Variants in ADGRL3 observed in about 807,000 individuals in gnomAD.
ADGRL3 encodes the protein adhesion G protein-coupled receptor L3, also known as calcium-independent alpha-latrotoxin receptor 3.
ADGRL3 carries 62 observed loss-of-function variants against 153.5 expected under a neutral mutation model. That is an observed-to-expected ratio of 0.40 (90% confidence interval 0.33 to 0.50). ADGRL3 has a LOEUF of 0.50. Among genes scored for constraint, ADGRL3 ranks in the 20% least tolerant of loss-of-function variants. ADGRL3 has a pLI of 0.47. For missense variants in ADGRL3, 1,641 were observed against 1,859.4 expected, an observed-to-expected ratio of 0.88 and a Z score of 2.16; for synonymous variants, 710 against 672.5, an observed-to-expected ratio of 1.06 and a Z score of -0.86.
intron 1 of ADGRL3, among the ~76,000 whole-genome samples, chr4:61,226,485 T>C (rs1748022188): frequency 6.6e-6 from 1 of 152,220 alleles, no homozygotes; most frequent in South Asian, 2.1e-4. Context: ...GTTATTTTAA[T>C]GTTACGTCTG....
At position 61,718,785 on chromosome 4, in the gene ADGRL3, A is replaced by G. The variant is rs192084591; in HGVS notation, c.584-11837A>G. On this transcript the variant is annotated intron_variant, in intron 6 of 26. Transcript: ENST00000683033. ...ATGACCCTTCTACAGATGGCTTTTA[A>G]GGAAAAAAAAATAGCTGGGGCTAGT... Among the ~76,000 whole-genome samples the G allele has an allele frequency of 1.9e-3, 283 of 152,270 alleles. 1 individual carries two copies. Among genetic ancestry groups the G allele is most frequent in the African/African-American group, 6.7e-3 (278 of 41,570 alleles).
intron 2 of ADGRL3, among the ~76,000 whole-genome samples, chr4:61,433,430 GAC>G (rs1209961736): frequency 6.6e-6 from 1 of 151,650 alleles, no homozygotes; most frequent in Non-Finnish European, 1.5e-5. Flanking sequence ...AAATCTGATA[GAC>G]ACTTTACAGT....
intron 1 of ADGRL3, among the ~76,000 whole-genome samples, chr4:61,353,792 TG>T (rs1413913681): frequency 8.7e-6 from 1 of 115,378 alleles, no homozygotes; most frequent in African/African-American, 3.3e-5. Context: ...CCGAAATAGA[TG>T]AACCAAACAG....
chr4:62,061,368 A>G (rs1740063307), intron 25 of ADGRL3, among the ~76,000 whole-genome samples: 1 of 151,380 alleles, frequency 6.6e-6, no homozygotes, highest in South Asian at 2.1e-4. Flanking sequence ...TTTCCCTCAT[A>G]TCTTGTGAAA....
chr4:61,380,119 A>G (rs952924354), intron 1 of ADGRL3, among the ~76,000 whole-genome samples: 3 of 152,006 alleles, frequency 2.0e-5, no homozygotes, highest in Non-Finnish European at 4.4e-5. Context: ...TACACATAGT[A>G]ATATAGTAAT....
Position 61,550,440 on chromosome 4 carries a change from A to G in ADGRL3, c.259+32922A>G, listed in dbSNP as rs192860519. On this transcript the variant is annotated intron_variant, in intron 4 of 26. Coordinates refer to ENST00000683033, the MANE Select transcript of ADGRL3 (RefSeq NM_001387552.1). ...CTTGTTTACTTTCTCAGAAAGTGCT[A>G]TGCCTTATTTCTACCTTAATTCAGA... Among the ~76,000 whole-genome samples the G allele has an allele frequency of 2.3e-3, 343 of 152,154 alleles. 1 individual carries two copies. Among genetic ancestry groups the G allele is most frequent in the African/African-American group, 7.8e-3 (323 of 41,558 alleles).
At chr4:61,406,424 T>C (rs7670645) in intron 2 of ADGRL3, among the ~76,000 whole-genome samples, 1 of 151,906 alleles carries the variant, frequency 6.6e-6, no homozygotes, top group African/African-American at 2.4e-5. Flanking sequence ...ATACATTTTA[T>C]AGATGCTATA....
At chr4:61,672,526 A>G (rs987405791) in intron 5 of ADGRL3, among the ~76,000 whole-genome samples, 2 of 152,140 alleles carry the variant, frequency 1.3e-5, no homozygotes, top group African/African-American at 4.8e-5. Flanking sequence ...GAAACATGAT[A>G]AATATTTCTT....
At chr4:61,543,674 A>G (rs2098701074) in intron 4 of ADGRL3, among the ~76,000 whole-genome samples, 1 of 152,172 alleles carries the variant, frequency 6.6e-6, no homozygotes, top group African/African-American at 2.4e-5. Flanking sequence ...TTCCAGTCTT[A>G]CTTTCAAAGT....
chr4:61,649,178 C>T (rs1199487298), intron 5 of ADGRL3, among the ~76,000 whole-genome samples: 5 of 151,832 alleles, frequency 3.3e-5, no homozygotes, highest in Non-Finnish European at 7.4e-5. Context: ...TTTACTAGCA[C>T]GCCATTCCTC....
At chr4:61,767,983 T>A (rs1251933192) in intron 8 of ADGRL3, among the ~76,000 whole-genome samples, 2 of 152,010 alleles carry the variant, frequency 1.3e-5, no homozygotes, top group Non-Finnish European at 2.9e-5. Flanking sequence ...GGGAGCAGAT[T>A]GGGTAATAAA....
At chr4:61,991,207 T>G (rs918355643) in intron 19 of ADGRL3, among the ~76,000 whole-genome samples, 6 of 151,956 alleles carry the variant, frequency 3.9e-5, no homozygotes, top group Non-Finnish European at 7.4e-5. Flanking sequence ...CAAAATAGAT[T>G]GTATTAAAAA....
chr4:61,716,242 T>G (rs1471921279), intron 6 of ADGRL3, among the ~76,000 whole-genome samples: 1 of 152,084 alleles, frequency 6.6e-6, no homozygotes, highest in African/African-American at 2.4e-5. Flanking sequence ...AAACAGTAGA[T>G]AGAACCTTTT....
intron 2 of ADGRL3, among the ~76,000 whole-genome samples, chr4:61,481,244 C>G (rs2098128865): frequency 6.6e-6 from 1 of 152,034 alleles, no homozygotes; most frequent in Non-Finnish European, 1.5e-5. Context: ...TTTATTCATG[C>G]AGTGAATATA....
At chr4:61,429,609 A>G (rs1317998810) in intron 2 of ADGRL3, among the ~76,000 whole-genome samples, 1 of 152,124 alleles carries the variant, frequency 6.6e-6, no homozygotes, top group Non-Finnish European at 1.5e-5. Flanking sequence ...TTTGAATATC[A>G]GCAAGCTCTA....
At chr4:61,430,380 G>A (rs1296429069) in intron 2 of ADGRL3, among the ~76,000 whole-genome samples, 1 of 152,028 alleles carries the variant, frequency 6.6e-6, no homozygotes, top group South Asian at 2.1e-4. Flanking sequence ...ATTTAATTAT[G>A]TCCTAAAAGG....
At chr4:61,622,968 T>A (rs2092617327) in intron 5 of ADGRL3, among the ~76,000 whole-genome samples, 1 of 151,918 alleles carries the variant, frequency 6.6e-6, no homozygotes, top group Non-Finnish European at 1.5e-5. Flanking sequence ...TCCTCATGAG[T>A]TTTTTTATTT....
At chr4:61,746,144 C>T (rs987275445) in intron 8 of ADGRL3, among the ~76,000 whole-genome samples, 6 of 152,156 alleles carry the variant, frequency 3.9e-5, no homozygotes, top group African/African-American at 1.4e-4. Flanking sequence ...ATCAATTCAA[C>T]AAGAAGAGCT....
At chr4:62,062,868 G>A (rs992904763) in intron 25 of ADGRL3, among the ~76,000 whole-genome samples, 1 of 152,000 alleles carries the variant, frequency 6.6e-6, no homozygotes, top group South Asian at 2.1e-4. Context: ...TTTTTTATCA[G>A]ATTTGTAAGA....
Sources: gnomAD v4.1 joint callset for allele counts (sites outside exome capture counted in the v4.1 genomes callset) on GRCh38, gnomAD v4.1.1 for gene constraint, MANE v1.5 for transcripts, NCBI Gene and HGNC (gene_info 2026-07-23, HGNC 2026-07-21) for gene names.